Variants in TINAG observed in about 807,000 individuals in gnomAD.
The protein encoded by TINAG is tubulointerstitial nephritis antigen.
Under a neutral mutation model 72.7 loss-of-function variants are expected in TINAG, and 83 were observed. The observed-to-expected ratio is 1.14, with a 90% CI of 0.96 to 1.37. The LOEUF is 1.37. TINAG is among the 40% of genes most tolerant of loss of function. The pLI, the probability that TINAG is intolerant of heterozygous loss-of-function variation, is 0.00. For synonymous variants in TINAG, 234 were observed against 189.9 expected, an observed-to-expected ratio of 1.23 and a Z score of -1.91; for missense variants, 685 against 576.6, an observed-to-expected ratio of 1.19 and a Z score of -1.93.
intron 5 of TINAG, among the ~76,000 whole-genome samples, chr6:54,346,574 T>A (rs1286476101): frequency 6.6e-6 from 1 of 151,552 alleles, no homozygotes; most frequent in African/African-American, 2.4e-5. Context: ...AACTATATTA[T>A]ATGTAACTAA....
intron 1 of TINAG, among the ~76,000 whole-genome samples, 167 bp downstream of exon 1, chr6:54,309,072 G>T (rs569352233): frequency 6.6e-6 from 1 of 152,230 alleles, no homozygotes; most frequent in South Asian, 2.1e-4. Context: ...CTTTGGTTTG[G>T]ATGTGGGGTT....
chr6:54,319,990 T>C (rs1784452507), intron 1 of TINAG, among the ~76,000 whole-genome samples: 1 of 145,798 alleles, frequency 6.9e-6, no homozygotes, highest in African/African-American at 2.4e-5. Context: ...CATAAAGCAG[T>C]TAATAACTAG....
intron 4 of TINAG, among the ~76,000 whole-genome samples, chr6:54,340,070 C>A (rs1374631045): frequency 1.3e-5 from 2 of 152,068 alleles, no homozygotes; most frequent in Non-Finnish European, 2.9e-5. Context: ...TAATTAAATG[C>A]AAATGTTATA....
At chr6:54,330,059 C>A (rs1384415460) in intron 4 of TINAG, among the ~76,000 whole-genome samples, 1 of 151,858 alleles carries the variant, frequency 6.6e-6, no homozygotes, top group East Asian at 1.9e-4. Context: ...TTAGACAAAC[C>A]AACAAGACAA....
intron 1 of TINAG, among the ~76,000 whole-genome samples, chr6:54,318,435 C>T (rs1286865463): frequency 1.3e-5 from 2 of 152,108 alleles, no homozygotes; most frequent in Non-Finnish European, 2.9e-5. Flanking sequence ...CCCTCATTCA[C>T]CAGATTCAAT....
chr6:54,356,371 TA>T (rs1015344496), intron 9 of TINAG, among the ~76,000 whole-genome samples: 1 of 151,030 alleles, frequency 6.6e-6, no homozygotes, highest in African/African-American at 2.4e-5. Context: ...CCTCTTTCTA[TA>T]AAAAAAATAC....
chr6:54,338,244 T>C (rs1784913103), intron 4 of TINAG, among the ~76,000 whole-genome samples: 3 of 152,204 alleles, frequency 2.0e-5, no homozygotes, highest in Admixed American at 2.0e-4. Flanking sequence ...TGGAACCTAA[T>C]TGATAACTGC....
At chr6:54,329,048 C>T (rs1391867685) in intron 4 of TINAG, among the ~76,000 whole-genome samples, 1 of 152,104 alleles carries the variant, frequency 6.6e-6, no homozygotes, top group Non-Finnish European at 1.5e-5. Flanking sequence ...GGAAAACACA[C>T]TTCAGGATAT....
Position 54,328,774 on chromosome 6 carries a change from A to G in TINAG, c.624+1858A>G, listed in dbSNP as rs186631053. On this transcript the variant is annotated intron_variant, in intron 4 of 10. Transcript: ENST00000259782. ...CAGAATAACCAGTTGAGAGAAGAAC[A>G]TAAATGACCTGATGGAGCTGAAAAA... Among the ~76,000 whole-genome samples, 598 of 152,124 alleles carry G rather than the reference A, an allele frequency of 3.9e-3. 3 individuals are homozygous for G. The highest frequency in any genetic ancestry group is 3.9e-3 in the Non-Finnish European group (266 of 68,004).
chr6:54,314,412 TA>T (rs1362893839), intron 1 of TINAG, among the ~76,000 whole-genome samples: 3 of 152,134 alleles, frequency 2.0e-5, no homozygotes, highest in African/African-American at 7.2e-5. Context: ...GAAGACATTC[TA>T]AAGCACAGAT....
chr6:54,318,185 T>C (rs578137325), intron 1 of TINAG, among the ~76,000 whole-genome samples: 6 of 152,276 alleles, frequency 3.9e-5, no homozygotes, highest in East Asian at 3.9e-4. Flanking sequence ...AAAGTAGATA[T>C]GGATGTTGGT....
chr6:54,334,521 G>A (rs182976239), intron 4 of TINAG, among the ~76,000 whole-genome samples: 43 of 152,192 alleles, frequency 2.8e-4, no homozygotes, highest in African/African-American at 6.0e-4. Flanking sequence ...TTACAGTTTC[G>A]TACATGATCT....
At chr6:54,320,116 T>C (rs1040903354) in intron 1 of TINAG, among the ~76,000 whole-genome samples, 1 of 152,124 alleles carries the variant, frequency 6.6e-6, no homozygotes, top group Non-Finnish European at 1.5e-5. Context: ...AATTTGTCTT[T>C]GTAAGGTAAA....
At chr6:54,327,030 A>AT in intron 4 of TINAG, 114 bp downstream of exon 4, 1 of 1,547,474 alleles carries the variant, frequency 6.5e-7, no homozygotes, top group African/African-American at 1.4e-5. Context: ...TTCAGTCATA[A>AT]TTTTGTCACA....
chr6:54,350,811 T>A (rs188824202), intron 7 of TINAG, among the ~76,000 whole-genome samples: 2 of 151,606 alleles, frequency 1.3e-5, no homozygotes, highest in African/African-American at 2.4e-5. Flanking sequence ...ATAATGAAAT[T>A]AGTAGTGTCA....
intron 9 of TINAG, among the ~76,000 whole-genome samples, chr6:54,375,933 C>T (rs370003459): frequency 2.0e-5 from 3 of 152,112 alleles, no homozygotes; most frequent in East Asian, 3.9e-4. Flanking sequence ...TTTGTAAATG[C>T]CACGTCTGGT....
At chr6:54,389,493 TATAA>T (rs1027286493) in intron 10 of TINAG, among the ~76,000 whole-genome samples, 1 of 152,198 alleles carries the variant, frequency 6.6e-6, no homozygotes, top group Non-Finnish European at 1.5e-5. Context: ...TAGACAACTC[TATAA>T]CTGCAGCTTG....
Position 54,347,424 on chromosome 6 carries a change from C to G in TINAG, c.806C>G (p.Ser269Cys). 6.2e-7 allele frequency: 1 copy of G among 1,613,224 alleles called. No homozygotes were observed. ...AAGGGTCGATACACGGCCAATCTATCCCCTCAGAATTTGATCTCTTGCTGT... is the reference window on the plus strand; with the variant it reads ...AAGGGTCGATACACGGCCAATCTATGCCCTCAGAATTTGATCTCTTGCTGT... ...QSKGRYTANL[S>C]PQNLISCCAK... Residue 269 changes from serine (S) to cysteine (C), a missense_variant, in exon 6 of 11, where the codon TCC (serine) becomes TGC (cysteine). Transcript: ENST00000259782.
At chr6:54,356,079 C>A (rs1027752262) in intron 9 of TINAG, among the ~76,000 whole-genome samples, 1 of 151,888 alleles carries the variant, frequency 6.6e-6, no homozygotes, top group Non-Finnish European at 1.5e-5. Context: ...AATTACTCAG[C>A]ATCACTGGTC....
Sources: allele counts gnomAD v4.1 joint callset (sites outside exome capture counted in the v4.1 genomes callset), GRCh38; gene constraint gnomAD v4.1.1; transcripts MANE v1.5; gene names NCBI Gene and HGNC (gene_info 2026-07-23, HGNC 2026-07-21).